Variants in PAPPA2 observed in about 807,000 individuals in gnomAD.
PAPPA2 encodes pappalysin 2.
Under a neutral mutation model 176.4 loss-of-function variants are expected in PAPPA2, and 86 were observed. The observed-to-expected ratio is 0.49, with a 90% CI of 0.41 to 0.58. PAPPA2 has a LOEUF of 0.58. Ranked by LOEUF, PAPPA2 falls within the 20% of genes least tolerant of loss-of-function variation. The pLI, the probability that PAPPA2 is intolerant of heterozygous loss-of-function variation, is 0.00. For synonymous variants in PAPPA2, 809 were observed against 852.2 expected (o/e 0.95, Z 0.88); for missense variants, 2,073 against 2,256.9 (o/e 0.92, Z 1.65).
At chr1:176,523,559 AT>A (rs1373768130) in intron 1 of PAPPA2, among the ~76,000 whole-genome samples, 1 of 152,166 alleles carries the variant, frequency 6.6e-6, no homozygotes, top group African/African-American at 2.4e-5. Context: ...TTTGAGTTTA[AT>A]TTTTTTAAAC....
At chr1:176,750,052 A>G (rs1178886786) in intron 14 of PAPPA2, among the ~76,000 whole-genome samples, 1 of 152,202 alleles carries the variant, frequency 6.6e-6, no homozygotes, top group African/African-American at 2.4e-5. Context: ...ATGAAGATAC[A>G]TTGTTTTTCA....
chr1:176,670,580 T>A (rs1658936195), intron 3 of PAPPA2, among the ~76,000 whole-genome samples: 1 of 152,178 alleles, frequency 6.6e-6, no homozygotes, highest in Non-Finnish European at 1.5e-5. Context: ...TGCAGTGTGA[T>A]GGAAGGAAAA....
chr1:176,820,570 G>A (rs1666619528), intron 21 of PAPPA2, among the ~76,000 whole-genome samples: 1 of 152,134 alleles, frequency 6.6e-6, no homozygotes, highest in African/African-American at 2.4e-5. Flanking sequence ...ATCGAGAACA[G>A]ATGTTGCTGC....
chr1:176,786,873 C>T (rs1438120225), intron 17 of PAPPA2, among the ~76,000 whole-genome samples: 6 of 152,116 alleles, frequency 3.9e-5, no homozygotes, highest in Non-Finnish European at 8.8e-5. Context: ...GAGGGGAGCA[C>T]TGAGTATACA....
At chr1:176,615,257 T>C (rs984746885) in intron 3 of PAPPA2, among the ~76,000 whole-genome samples, 1 of 152,220 alleles carries the variant, frequency 6.6e-6, no homozygotes, top group African/African-American at 2.4e-5. Context: ...CTTTTTTGTC[T>C]GAAGACATTA....
At chr1:176,816,026 C>T (rs1399860657) in intron 21 of PAPPA2, among the ~76,000 whole-genome samples, 2 of 150,974 alleles carry the variant, frequency 1.3e-5, no homozygotes, top group East Asian at 2.0e-4. Flanking sequence ...TATGTGGCTT[C>T]TTATCTTTGT....
At position 176,699,382 on chromosome 1, in the gene PAPPA2, A is replaced by G. The variant is rs776302564; in HGVS notation, c.3029A>G (p.Lys1010Arg). The change falls in exon 8 of 23, where the codon AAA (lysine) becomes AGA (arginine). Residue 1010 changes from lysine (K) to arginine (R), a missense_variant. Transcript: ENST00000367662. ...TTCTGTGACATCCCACTCACCATCA[A>G]ACTGCACGTGGATGGGAAGGTGTCG... Reference protein sequence around the residue: ...DTFCDIPLTIKLHVDGKVSGV... With the variant: ...DTFCDIPLTIRLHVDGKVSGV... 1.9e-6 allele frequency: 3 copies of G among 1,613,940 alleles called. No homozygotes were observed. The Admixed American group carries it at 5.0e-5, about 27-fold the overall frequency.
intron 17 of PAPPA2, among the ~76,000 whole-genome samples, chr1:176,788,649 C>T (rs1207250248): frequency 6.6e-6 from 1 of 152,040 alleles, no homozygotes; most frequent in African/African-American, 2.4e-5. Context: ...TAGGGAGGAC[C>T]CTAATTCCAT....
intron 1 of PAPPA2, among the ~76,000 whole-genome samples, chr1:176,523,739 T>C (rs1251737717): frequency 2.0e-5 from 3 of 152,200 alleles, no homozygotes; most frequent in African/African-American, 7.2e-5. Context: ...TATGATTCAG[T>C]AGAAGAAATA....
At chr1:176,820,680 CT>C (rs1235743495) in intron 21 of PAPPA2, among the ~76,000 whole-genome samples, 1 of 152,188 alleles carries the variant, frequency 6.6e-6, no homozygotes, top group Non-Finnish European at 1.5e-5. Context: ...CTCCTACCCT[CT>C]TTTCCCATCT....
chr1:176,810,601 T>C (rs553907598), intron 21 of PAPPA2, among the ~76,000 whole-genome samples: 3 of 152,308 alleles, frequency 2.0e-5, no homozygotes, highest in Admixed American at 6.5e-5. Flanking sequence ...ACTCACCTCC[T>C]GCTGTGTGGC....
intron 3 of PAPPA2, among the ~76,000 whole-genome samples, chr1:176,630,195 A>C (rs1027076337): frequency 9.2e-5 from 14 of 152,218 alleles, no homozygotes; most frequent in African/African-American, 3.1e-4. Flanking sequence ...ATCAGATGTC[A>C]CTAATGAGAG....
At chr1:176,836,357 G>A (rs1667270576) in intron 21 of PAPPA2, among the ~76,000 whole-genome samples, 1 of 152,170 alleles carries the variant, frequency 6.6e-6, no homozygotes, top group South Asian at 2.1e-4. Flanking sequence ...ATAGGATTCA[G>A]TCCCATGCCT....
At chr1:176,656,043 TA>T (rs1003811268) in intron 3 of PAPPA2, among the ~76,000 whole-genome samples, 20 of 151,974 alleles carry the variant, frequency 1.3e-4, no homozygotes, top group African/African-American at 2.4e-4. Context: ...ATTTTCAGAA[TA>T]TTTTTTTTTC....
intron 3 of PAPPA2, among the ~76,000 whole-genome samples, chr1:176,621,805 T>C: frequency 6.6e-6 from 1 of 152,128 alleles, no homozygotes; most frequent in Non-Finnish European, 1.5e-5. Context: ...CCAGGAAACA[T>C]TGCTCTTTCT....
chr1:176,656,025 G>T (rs1658011963), intron 3 of PAPPA2, among the ~76,000 whole-genome samples: 2 of 151,520 alleles, frequency 1.3e-5, no homozygotes, highest in African/African-American at 4.8e-5. Flanking sequence ...AATTAATATT[G>T]TCTGCAGATT....
chr1:176,476,208 T>A (rs1025483483), intron 1 of PAPPA2, among the ~76,000 whole-genome samples: 1 of 152,176 alleles, frequency 6.6e-6, no homozygotes, highest in Admixed American at 6.5e-5. Context: ...AATACTCCAA[T>A]GTCTGAGTCC....
At chr1:176,681,858 T>C (rs935530853) in intron 4 of PAPPA2, among the ~76,000 whole-genome samples, 2 of 151,990 alleles carry the variant, frequency 1.3e-5, no homozygotes, top group African/African-American at 4.8e-5. Flanking sequence ...TAAGCAATGG[T>C]GGGTGGTCTG....
At chr1:176,585,435 T>C (rs1653249617) in intron 2 of PAPPA2, among the ~76,000 whole-genome samples, 1 of 152,212 alleles carries the variant, frequency 6.6e-6, no homozygotes, top group Non-Finnish European at 1.5e-5. Flanking sequence ...CTTTGACTTT[T>C]GGCAAAACTC....
Sources: allele counts gnomAD v4.1 joint callset (sites outside exome capture counted in the v4.1 genomes callset), GRCh38; gene constraint gnomAD v4.1.1; transcripts MANE v1.5; gene names NCBI Gene and HGNC (gene_info 2026-07-23, HGNC 2026-07-21).